The following ODAD4 variants were observed in gnomAD, a reference collection of about 807,000 sequenced individuals.
ODAD4 encodes outer dynein arm docking complex subunit 4.
In ODAD4, 49 loss-of-function variants were observed where a neutral mutation model predicts 51.8. The observed-to-expected ratio is 0.95, with a 90% CI of 0.75 to 1.20. ODAD4 has a LOEUF of 1.20. ODAD4 is among the 50% of genes most tolerant of loss of function. The pLI, the probability that ODAD4 is intolerant of heterozygous loss-of-function variation, is 0.00. For missense variants in ODAD4, 590 were observed against 586.5 expected (o/e 1.01, Z -0.06); for synonymous variants, 235 against 221.3 (o/e 1.06, Z -0.55).
In ODAD4 at chr17:41,938,949, C is replaced by T. The variant is rs1555638304; in HGVS notation, c.851-16C>T. 3 of 1,604,492 alleles carry T rather than the reference C, an allele frequency of 1.9e-6. No homozygotes were observed. The highest frequency in any genetic ancestry group is 2.6e-6 in the Non-Finnish European group (3 of 1,175,354). The stretch of plus-strand genomic sequence containing the variant: ...GAGGCTGCCCTGGCCTCCACAGCAC[C>T]CCTTTCCTTTCTCAGTGCTCACAAG... On this transcript the variant is annotated splice_polypyrimidine_tract_variant and intron_variant, in intron 6 of 11. Coordinates refer to ENST00000377540, the MANE Select transcript of ODAD4 (RefSeq NM_031421.5).
chr17:41,943,629 C>T (rs782718128), intron 7 of ODAD4, among the ~76,000 whole-genome samples: 1 of 152,192 alleles, frequency 6.6e-6, no homozygotes, highest in Non-Finnish European at 1.5e-5. Context: ...GCTATTTTCA[C>T]TTCTTTTGTG....
chr17:41,936,938 C>G lies in ODAD4; in HGVS notation c.625+11C>G, dbSNP rs185273543. The G allele has an allele frequency of 6.2e-7, 1 of 1,612,310 alleles. No homozygotes were observed. Among genetic ancestry groups the G allele is most frequent in the Non-Finnish European group, 8.5e-7 (1 of 1,178,612 alleles). Reference sequence around the variant, plus strand: ...TCCTATTGGATGAAGGTTTCGGACACTTTGTTGGCACGGGGCCTTGGGGGA... The same window carrying G: ...TCCTATTGGATGAAGGTTTCGGACAGTTTGTTGGCACGGGGCCTTGGGGGA... On this transcript the variant is annotated intron_variant, in intron 5 of 11. Transcript: ENST00000377540.
intron 7 of ODAD4, among the ~76,000 whole-genome samples, chr17:41,942,725 G>C (rs1240362652): frequency 6.6e-6 from 1 of 152,152 alleles, no homozygotes; most frequent in African/African-American, 2.4e-5. Context: ...TGGAGGACTT[G>C]GAGAACCATA....
chr17:41,959,566 G>A (rs1461278884), intron 10 of ODAD4, among the ~76,000 whole-genome samples: 1 of 152,248 alleles, frequency 6.6e-6, no homozygotes, highest in Non-Finnish European at 1.5e-5. Context: ...GTGCTCTGAA[G>A]GACAAGGATA....
chr17:41,959,407 T>C (rs150767340), intron 10 of ODAD4, among the ~76,000 whole-genome samples: 4 of 152,272 alleles, frequency 2.6e-5, no homozygotes, highest in Non-Finnish European at 5.9e-5. Context: ...TATGCCATCA[T>C]TGAAAGAAGC....
At chr17:41,944,137 C>T (rs1555639064) in intron 7 of ODAD4, among the ~76,000 whole-genome samples, 1 of 148,850 alleles carries the variant, frequency 6.7e-6, no homozygotes, top group African/African-American at 2.5e-5. Context: ...GTGAAGGTTG[C>T]AGTGAGCTGA....
rs1555637675 is a variant in ODAD4, at chr17:41,935,750, G to A, written c.397+1G>A. 4.3e-6 allele frequency: 7 copies of A among 1,613,866 alleles called. No individual in the cohort carries two copies. The highest frequency in any genetic ancestry group is 5.9e-6 in the Non-Finnish European group (7 of 1,179,816). On this transcript the variant is annotated splice_donor_variant, in intron 3 of 11. Transcript: ENST00000377540. LOFTEE classifies it high-confidence loss of function. ...GAAGCCATCAACAACTCAGTGGGAA[G>A]TGAGTGACCACAGGGCCTATGCCCT... is the stretch of plus-strand genomic sequence containing the variant.
intron 9 of ODAD4, among the ~76,000 whole-genome samples, chr17:41,950,365 C>T (rs1326951954): frequency 6.6e-6 from 1 of 151,778 alleles, no homozygotes; most frequent in Non-Finnish European, 1.5e-5. Flanking sequence ...CAGTAGACTC[C>T]CCAAGTCCTA....
intron 9 of ODAD4, among the ~76,000 whole-genome samples, chr17:41,953,785 A>C (rs1598086973): frequency 6.6e-6 from 1 of 151,774 alleles, no homozygotes; most frequent in East Asian, 1.9e-4. Flanking sequence ...CTCCCATCTC[A>C]GCCTCCCGAG....
At chr17:41,936,705 G>A (rs2050432860) in intron 4 of ODAD4, 57 bp from the exon 5 acceptor site, 1 of 1,599,950 alleles carries the variant, frequency 6.3e-7, no homozygotes, top group Admixed American at 1.7e-5. Flanking sequence ...TAGGGCCATG[G>A]CTGGGTACAC....
chr17:41,932,258 G>A (rs146173036), intron 1 of ODAD4, among the ~76,000 whole-genome samples: 30 of 152,020 alleles, frequency 2.0e-4, no homozygotes, highest in African/African-American at 5.8e-4. Flanking sequence ...TAGTAGAGAC[G>A]GGGTTTCTCC....
At chr17:41,961,971 A>G (rs2050811179) in intron 11 of ODAD4, among the ~76,000 whole-genome samples, 1 of 152,200 alleles carries the variant, frequency 6.6e-6, no homozygotes, top group Non-Finnish European at 1.5e-5. Flanking sequence ...TCCAACTCCA[A>G]AAGATGCCCA....
In ODAD4 at chr17:41,940,391, G is replaced by T. The variant is rs576722202; in HGVS notation, c.1058+1219G>T. ...CTCAGGCCCTCTCTAAACCCACCCTGGCCCTCTTATAGCAATCTTCCCTTG... is the reference window on the plus strand; with the variant it reads ...CTCAGGCCCTCTCTAAACCCACCCTTGCCCTCTTATAGCAATCTTCCCTTG... On this transcript the variant is annotated intron_variant, in intron 7 of 11. Transcript: ENST00000377540. 4.6e-5 allele frequency among the ~76,000 whole-genome samples: 7 copies of T among 152,200 alleles called. No individual in the cohort carries two copies. The East Asian group carries it at 1.2e-3, about 25-fold the overall frequency.
At position 41,938,960 on chromosome 17, in the gene ODAD4, C is replaced by G. The variant is rs1555638313; in HGVS notation, c.851-5C>G. ...GGCCTCCACAGCACCCCTTTCCTTT[C>G]TCAGTGCTCACAAGTGGCAGTGCTG... On this transcript the variant is annotated splice_polypyrimidine_tract_variant and splice_region_variant and intron_variant, in intron 6 of 11. Transcript: ENST00000377540. 5.6e-6 allele frequency: 9 copies of G among 1,606,968 alleles called. No homozygotes were observed. Among genetic ancestry groups the G allele is most frequent in the Non-Finnish European group, 7.6e-6 (9 of 1,176,568 alleles).
intron 10 of ODAD4, 142 bp from the exon 11 acceptor site, chr17:41,961,240 G>A (rs1400932854): frequency 3.3e-6 from 2 of 614,112 alleles, no homozygotes; most frequent in Non-Finnish European, 2.9e-6. Context: ...TAACCTGAGG[G>A]TAGGGGTCAT....
chr17:41,939,162 G>A lies in ODAD4; in HGVS notation c.1048G>A (p.Ala350Thr), dbSNP rs530051771. ...LQSHRKDLEI[A>T]KEYDLPDAKS... ...GAGCCACAGAAAGGACCTGGAGATC[G>A]CCAAGGAATAGTGAGTGCCCTAGGG... is the stretch of plus-strand genomic sequence containing the variant. The change falls in exon 7 of 12, where the codon GCC (alanine) becomes ACC (threonine). Residue 350 changes from alanine to threonine, a missense_variant. Around this residue, in one of 3 missense-constraint regions of ODAD4, gnomAD observed 226 missense variants for 162.7 expected, o/e 1.39. Coordinates refer to ENST00000377540, the MANE Select transcript of ODAD4 (RefSeq NM_031421.5). 8 of 1,613,310 alleles carry A rather than the reference G, an allele frequency of 5.0e-6. No homozygotes were observed. The Admixed American group carries it at 6.7e-5, about 13-fold the overall frequency.
At position 41,965,636 on chromosome 17, in the gene ODAD4, C is replaced by G; in HGVS notation, c.*153C>G. On this transcript the variant is annotated 3_prime_UTR_variant, in exon 12 of 12. Coordinates refer to ENST00000377540, the MANE Select transcript of ODAD4 (RefSeq NM_031421.5). Reference sequence around the variant, plus strand: ...CACTATTTTGCCATTAAATAGGTGTCTTTCACTCTTGCAAACCCTGAGTCT... The same window carrying G: ...CACTATTTTGCCATTAAATAGGTGTGTTTCACTCTTGCAAACCCTGAGTCT... The G allele has an allele frequency of 1.7e-6, 1 of 594,980 alleles. No individual in the cohort carries two copies. Among genetic ancestry groups the G allele is most frequent in the Admixed American group, 3.1e-5 (1 of 32,256 alleles). 36.9% of individuals were successfully genotyped at this position (594,980 alleles called of 1,614,324 possible).
At chr17:41,934,405 G>C (rs1317202781) in intron 1 of ODAD4, among the ~76,000 whole-genome samples, 2 of 83,204 alleles carry the variant, frequency 2.4e-5, no homozygotes, top group African/African-American at 4.1e-5. Flanking sequence ...AGGCTGGAGT[G>C]CAGTGGTGTG....
chr17:41,939,540 G>A (rs995189840), intron 7 of ODAD4, among the ~76,000 whole-genome samples: 2 of 152,122 alleles, frequency 1.3e-5, no homozygotes, highest in Non-Finnish European at 2.9e-5. Flanking sequence ...CCCTGCAGAT[G>A]TCAAGCAAAA....
Sources: gnomAD v4.1 joint callset for allele counts (sites outside exome capture counted in the v4.1 genomes callset) on GRCh38, gnomAD v4.1.1 for gene constraint, gnomAD v4.1.1 regional missense constraint, MANE v1.5 for transcripts, NCBI Gene and HGNC (gene_info 2026-07-23, HGNC 2026-07-21) for gene names.